Variants in SLC17A5 observed in about 807,000 individuals in gnomAD.
The protein encoded by SLC17A5 is sialin.
SLC17A5 carries 47 observed loss-of-function variants against 59.4 expected under a neutral mutation model. The ratio of observed to expected loss-of-function variants is 0.79; its 90% CI spans 0.63 to 1.01. SLC17A5 has a LOEUF of 1.01. Among genes scored for constraint, SLC17A5 ranks in the 50% least tolerant of loss-of-function variants. SLC17A5 has a pLI of 0.00. For missense variants in SLC17A5, 522 were observed against 595.5 expected (o/e 0.88, Z 1.28); for synonymous variants, 202 against 210.7 (o/e 0.96, Z 0.36).
chr6:73,641,874 G>C lies in SLC17A5; in HGVS notation c.342C>G (p.Ser114=), dbSNP rs2150118452. The change falls in exon 3 of 11, where the codon TCC becomes TCG. Residue 114 remains serine, a synonymous_variant. Transcript: ENST00000355773. ...DAETQGWILG[S]FFYGYIITQI... Reference sequence around the variant, plus strand: ...GTGTGATGATGTAGCCATAAAAAAAGGAACCGAGAATCCATCCTTGAGTTT... The same window carrying C: ...GTGTGATGATGTAGCCATAAAAAAACGAACCGAGAATCCATCCTTGAGTTT... 3.1e-6 allele frequency: 5 copies of C among 1,614,136 alleles called. No individual in the cohort carries two copies. The East Asian group carries it at 1.1e-4, about 36-fold the overall frequency.
chr6:73,615,117 C>T (rs1035596963), intron 8 of SLC17A5, among the ~76,000 whole-genome samples, 198 bp downstream of exon 8: 4 of 152,174 alleles, frequency 2.6e-5, no homozygotes, highest in African/African-American at 9.7e-5. Context: ...GGATACCTAG[C>T]TGGTGTCCGC....
In SLC17A5 at chr6:73,626,841, G is replaced by A. The variant is rs541507739; in HGVS notation, c.820-4879C>T. Among the ~76,000 whole-genome samples the A allele has an allele frequency of 3.9e-5, 6 of 152,138 alleles. No individual in the cohort carries two copies. In the East Asian group the frequency reaches 9.7e-4, roughly 25 times the overall value. ...GGCTGGAGTTCAGTGGAGCGATCTC[G>A]GCTCACTACAACCTCCGCCTCCTGG... On this transcript the variant is annotated intron_variant, in intron 6 of 10. Coordinates refer to ENST00000355773, the MANE Select transcript of SLC17A5 (RefSeq NM_012434.5).
At chr6:73,602,602 G>A (rs1395220831) in intron 9 of SLC17A5, among the ~76,000 whole-genome samples, 2 of 151,898 alleles carry the variant, frequency 1.3e-5, no homozygotes, top group African/African-American at 4.8e-5. Flanking sequence ...GTGAAACCCC[G>A]TCTCTACCAA....
At chr6:73,640,563 C>T (rs1769229935) in intron 3 of SLC17A5, among the ~76,000 whole-genome samples, 1 of 152,092 alleles carries the variant, frequency 6.6e-6, no homozygotes, top group African/African-American at 2.4e-5. Flanking sequence ...GTGTTCATTC[C>T]AACAGCATGA....
chr6:73,653,814 CCGGTAGAAGAGGCGTG>C lies in SLC17A5; in HGVS notation c.57_72del (p.Thr20AlafsTer18), dbSNP rs1427240493. 2 of 1,598,456 alleles carry C rather than the reference CCGGTAGAAGAGGCGTG, an allele frequency of 1.3e-6. No individual in the cohort carries two copies. The highest frequency in any genetic ancestry group is 8.5e-7 in the Non-Finnish European group (1 of 1,173,988). The stretch of plus-strand genomic sequence containing the variant: ...TTACCGGCTTCGGCCCGTGGGGCGC[CCGGTAGAAGAGGCGTG>C]CGGTCCGTGCTCTCCTCGCCATCGT... On this transcript the variant is annotated frameshift_variant, in exon 1 of 11. Transcript: ENST00000355773. LOFTEE classifies it high-confidence loss of function.
chr6:73,643,829 C>T (rs4706546), intron 2 of SLC17A5, among the ~76,000 whole-genome samples: 8,484 of 152,150 alleles, frequency 0.056, 422 homozygotes, highest in Admixed American at 0.16. Context: ...ACTATCTCCT[C>T]GTGTGATAAG....
At chr6:73,647,920 T>G (rs1769657544) in intron 1 of SLC17A5, among the ~76,000 whole-genome samples, 1 of 152,032 alleles carries the variant, frequency 6.6e-6, no homozygotes, top group South Asian at 2.1e-4. Flanking sequence ...AATACAAAAA[T>G]TAGCCGGGCG....
chr6:73,621,939 C>T lies in SLC17A5; in HGVS notation c.843G>A (p.Pro281=), dbSNP rs567868125. 59 of 1,613,980 alleles carry T rather than the reference C, an allele frequency of 3.7e-5. No homozygotes were observed. Among genetic ancestry groups the T allele is most frequent in the Middle Eastern group, 1.7e-4 (1 of 6,058 alleles). ...GCAGGGATTTTAAAATGGGTACCCACGGCACTGACTTCTGTGAAGAAAGCT... is the reference window on the plus strand; with the variant it reads ...GCAGGGATTTTAAAATGGGTACCCATGGCACTGACTTCTGTGAAGAAAGCT... The part of the protein sequence containing the change: ...RNQLSSQKSV[P]WVPILKSLPL... Residue 281 remains proline, a synonymous_variant, in exon 7 of 11, where the codon CCG becomes CCA. Coordinates refer to ENST00000355773, the MANE Select transcript of SLC17A5 (RefSeq NM_012434.5).
chr6:73,623,166 G>A (rs905928983), intron 6 of SLC17A5, among the ~76,000 whole-genome samples: 1 of 151,848 alleles, frequency 6.6e-6, no homozygotes, highest in African/African-American at 2.4e-5. Context: ...AGCCTCACGA[G>A]TAGCTGGGAC....
intron 1 of SLC17A5, among the ~76,000 whole-genome samples, chr6:73,652,513 G>A (rs1769918800): frequency 6.6e-6 from 1 of 152,022 alleles, no homozygotes; most frequent in Non-Finnish European, 1.5e-5. Flanking sequence ...GCTAAATTTT[G>A]ATTATACATA....
Position 73,612,272 on chromosome 6 carries a change from C to T in SLC17A5, c.1112-1725G>A, listed in dbSNP as rs561430448. Among the ~76,000 whole-genome samples, 3 of 152,080 alleles carry T rather than the reference C, an allele frequency of 2.0e-5. No individual in the cohort carries two copies. In the East Asian group the frequency reaches 5.8e-4, roughly 29 times the overall value. Reference sequence around the variant, plus strand: ...CTGCCTCCCAGGTTCAAGCAATTCTCCTGCCTCGGCCTCCTGAATAGCTGG... The same window carrying T: ...CTGCCTCCCAGGTTCAAGCAATTCTTCTGCCTCGGCCTCCTGAATAGCTGG... On this transcript the variant is annotated intron_variant, in intron 8 of 10. Transcript: ENST00000355773.
At chr6:73,649,123 G>A (rs1286506767) in intron 1 of SLC17A5, among the ~76,000 whole-genome samples, 14 of 151,278 alleles carry the variant, frequency 9.3e-5, no homozygotes, top group African/African-American at 3.4e-4. Flanking sequence ...TCAGCCTCCC[G>A]AGTAGCTGGG....
chr6:73,645,697 A>C lies in SLC17A5; in HGVS notation c.95-1094T>G, dbSNP rs562326805. 2.7e-5 allele frequency among the ~76,000 whole-genome samples: 4 copies of C among 150,338 alleles called. No homozygotes were observed. The East Asian group carries it at 8.0e-4, about 30-fold the overall frequency. On this transcript the variant is annotated intron_variant, in intron 1 of 10. Coordinates refer to ENST00000355773, the MANE Select transcript of SLC17A5 (RefSeq NM_012434.5). ...CAGCTACTCGGGAGGCTGAGGCAGG[A>C]GAATGGCGTGAACCCGGGAGGCGGA...
chr6:73,599,383 T>C (rs1221697721), intron 10 of SLC17A5, among the ~76,000 whole-genome samples: 1 of 152,022 alleles, frequency 6.6e-6, no homozygotes, highest in African/African-American at 2.4e-5. Flanking sequence ...AAAACAGTGA[T>C]ATCCTTTTAA....
intron 8 of SLC17A5, among the ~76,000 whole-genome samples, chr6:73,613,514 T>A (rs1488913752): frequency 6.6e-6 from 1 of 152,122 alleles, no homozygotes; most frequent in Non-Finnish European, 1.5e-5. Flanking sequence ...TACAGGCACT[T>A]GCCACCACGC....
chr6:73,644,345 A>T, intron 2 of SLC17A5, 62 bp downstream of exon 2: 1 of 1,313,134 alleles, frequency 7.6e-7, no homozygotes, highest in Non-Finnish European at 1.1e-6. Context: ...AGACCTTTTA[A>T]TATTTTTACT....
intron 3 of SLC17A5, 130 bp downstream of exon 3, chr6:73,641,561 C>T (rs1410347230): frequency 2.8e-6 from 2 of 715,854 alleles, no homozygotes; most frequent in African/African-American, 3.5e-5. Flanking sequence ...AGTCCTTTCT[C>T]TAAAAAATAA....
chr6:73,605,122 G>A (rs1767334809), intron 9 of SLC17A5, among the ~76,000 whole-genome samples: 1 of 152,118 alleles, frequency 6.6e-6, no homozygotes, highest in Admixed American at 6.6e-5. Context: ...TGGGATTACA[G>A]GCGAGAGCCA....
At chr6:73,613,180 C>T (rs574642785) in intron 8 of SLC17A5, among the ~76,000 whole-genome samples, 1 of 152,096 alleles carries the variant, frequency 6.6e-6, no homozygotes, top group Non-Finnish European at 1.5e-5. Flanking sequence ...ACTTAAAATG[C>T]ATTCACTTAG....
Sources: gnomAD v4.1 joint callset for allele counts (sites outside exome capture counted in the v4.1 genomes callset) on GRCh38, gnomAD v4.1.1 for gene constraint, MANE v1.5 for transcripts, NCBI Gene and HGNC (gene_info 2026-07-23, HGNC 2026-07-21) for gene names.